Variants in PLXDC2 observed in about 807,000 individuals in gnomAD.
PLXDC2 encodes plexin domain containing 2.
Under a neutral mutation model 68.9 loss-of-function variants are expected in PLXDC2, and 40 were observed. That is an observed-to-expected ratio of 0.58 (90% CI 0.45 to 0.76). The LOEUF is 0.76. PLXDC2 is among the 30% of genes least tolerant of loss of function. The pLI is 0.00. For synonymous variants in PLXDC2, 243 were observed against 234.2 expected, an observed-to-expected ratio of 1.04 and a Z score of -0.34; for missense variants, 644 against 661.9, an observed-to-expected ratio of 0.97 and a Z score of 0.30.
At chr10:20,152,309 T>C (rs535394979) in intron 6 of PLXDC2, among the ~76,000 whole-genome samples, 18 of 152,278 alleles carry the variant, frequency 1.2e-4, no homozygotes, top group Admixed American at 1.2e-3. Flanking sequence ...ATTCAGTGTT[T>C]CTTCACCAAT....
intron 2 of PLXDC2, among the ~76,000 whole-genome samples, chr10:20,027,704 A>AC (rs1442084602): frequency 2.0e-5 from 3 of 151,758 alleles, no homozygotes; most frequent in Non-Finnish European, 4.4e-5. Context: ...AAAAAAAAAA[A>AC]ACCCCATAAA....
intron 4 of PLXDC2, among the ~76,000 whole-genome samples, chr10:20,068,705 A>G (rs560731455): frequency 6.6e-5 from 10 of 150,780 alleles, no homozygotes; most frequent in African/African-American, 2.4e-4. Context: ...ATTAGCTTTG[A>G]TCATTTTTTT....
At chr10:20,164,919 G>A (rs933380024) in intron 7 of PLXDC2, among the ~76,000 whole-genome samples, 11 of 152,120 alleles carry the variant, frequency 7.2e-5, no homozygotes, top group Non-Finnish European at 1.3e-4. Flanking sequence ...AGGCTCAAAT[G>A]ATCCTCCTAC....
At chr10:20,247,087 C>G (rs1321514507) in intron 13 of PLXDC2, among the ~76,000 whole-genome samples, 2 of 152,040 alleles carry the variant, frequency 1.3e-5, no homozygotes, top group Admixed American at 1.3e-4. Flanking sequence ...GCACTTCTGT[C>G]AAATTTCATG....
intron 1 of PLXDC2, among the ~76,000 whole-genome samples, chr10:19,832,600 G>A (rs1019637530): frequency 1.3e-5 from 2 of 152,134 alleles, no homozygotes; most frequent in Admixed American, 6.5e-5. Flanking sequence ...CTCCACCAGG[G>A]TAACTTCAGT....
At position 20,281,210 on chromosome 10, in the gene PLXDC2, T is replaced by A. The variant is rs1194849188; in HGVS notation, c.*1391T>A. ...AAAGCTCCTTAAATGGAGATATCGA[T>A]TGCCTTGGAATCACAATCCTGATTT... On this transcript the variant is annotated 3_prime_UTR_variant, in exon 14 of 14. Transcript: ENST00000377252. 4.6e-5 allele frequency: 7 copies of A among 152,104 alleles called. No individual in the cohort carries two copies. The highest frequency in any genetic ancestry group is 1.7e-4 in the African/African-American group (7 of 41,440). The allele number at this position is 152,104 out of a possible 1,614,324, so 9.4% of individuals were successfully genotyped here. A position where few individuals can be genotyped will look rare whatever the true frequency, so the allele number is the denominator to read the frequency against.
chr10:19,829,863 C>T (rs1420837817), intron 1 of PLXDC2, among the ~76,000 whole-genome samples: 1 of 152,116 alleles, frequency 6.6e-6, no homozygotes, highest in Non-Finnish European at 1.5e-5. Context: ...ACAAATTGTC[C>T]AGTCATATAC....
At chr10:19,987,710 C>T (rs941914298) in intron 1 of PLXDC2, among the ~76,000 whole-genome samples, 3 of 151,812 alleles carry the variant, frequency 2.0e-5, no homozygotes, top group South Asian at 2.1e-4. Flanking sequence ...TATAGGCGCC[C>T]GCCACCACCC....
At chr10:19,851,168 G>T (rs1837110931) in intron 1 of PLXDC2, among the ~76,000 whole-genome samples, 1 of 152,098 alleles carries the variant, frequency 6.6e-6, no homozygotes, top group Admixed American at 6.6e-5. Context: ...TTCTTTCCAA[G>T]GAAGGTCAAA....
In PLXDC2 at chr10:20,230,693, C is replaced by CAAAAAAAAAAAAAAAA. The variant is rs1191613913; in HGVS notation, c.1312+11597_1312+11612dup. On this transcript the variant is annotated intron_variant, in intron 12 of 13. Transcript: ENST00000377252. ...TGGGCTACAGAGTGAGACCTTGTCT[C>CAAAAAAAAAAAAAAAA]AAAAAAAAAAAAAAAAAAAAACAGG... Among the ~76,000 whole-genome samples, 92 of 37,778 alleles carry CAAAAAAAAAAAAAAAA rather than the reference C, an allele frequency of 2.4e-3. 17 individuals are homozygous for CAAAAAAAAAAAAAAAA. Among genetic ancestry groups the CAAAAAAAAAAAAAAAA allele is most frequent in the Admixed American group, 3.5e-3 (9 of 2,556 alleles). 24.8% of individuals were successfully genotyped at this position (37,778 alleles called of 152,430 possible).
intron 1 of PLXDC2, among the ~76,000 whole-genome samples, chr10:19,923,923 C>A (rs1173383423): frequency 6.6e-6 from 1 of 152,036 alleles, no homozygotes; most frequent in African/African-American, 2.4e-5. Flanking sequence ...AAATTAGCTT[C>A]ATTTGGAGTG....
At chr10:19,845,138 T>A (rs1836984076) in intron 1 of PLXDC2, among the ~76,000 whole-genome samples, 1 of 152,182 alleles carries the variant, frequency 6.6e-6, no homozygotes, top group African/African-American at 2.4e-5. Flanking sequence ...GTCACTTCCC[T>A]TCTCTGCTCT....
At chr10:19,823,289 A>G (rs1338346622) in intron 1 of PLXDC2, among the ~76,000 whole-genome samples, 1 of 152,154 alleles carries the variant, frequency 6.6e-6, no homozygotes, top group East Asian at 1.9e-4. Context: ...TTCACTGAAG[A>G]TGAAGACTAT....
intron 1 of PLXDC2, among the ~76,000 whole-genome samples, chr10:19,867,078 T>A: frequency 6.6e-6 from 1 of 150,896 alleles, no homozygotes; most frequent in Non-Finnish European, 1.5e-5. Context: ...TTTTTTTTTT[T>A]TTTTTTGACA....
rs1225330744 is a variant in PLXDC2 at position 19,869,475 on chromosome 10, G to A, written c.112+52284G>A. 2.9e-4 allele frequency among the ~76,000 whole-genome samples: 37 copies of A among 125,988 alleles called. 1 individual carries two copies. Among genetic ancestry groups the A allele is most frequent in the African/African-American group, 1.1e-3 (37 of 34,344 alleles). 82.7% of individuals were successfully genotyped at this position (125,988 alleles called of 152,430 possible). The stretch of plus-strand genomic sequence containing the variant: ...AGAAAGAGAGAGAGAGAAAGGGGGG[G>A]GGGGGAGAGGGTGGGAGGGAGGGAG... On this transcript the variant is annotated intron_variant, in intron 1 of 13. Coordinates refer to ENST00000377252, the MANE Select transcript of PLXDC2 (RefSeq NM_032812.9).
chr10:20,126,173 A>T (rs1172242082), intron 4 of PLXDC2, among the ~76,000 whole-genome samples: 1 of 147,058 alleles, frequency 6.8e-6, no homozygotes, highest in Non-Finnish European at 1.5e-5. Flanking sequence ...GTATCTATAC[A>T]TATATGTTAT....
chr10:19,865,397 G>A (rs1299232666), intron 1 of PLXDC2, among the ~76,000 whole-genome samples: 1 of 152,180 alleles, frequency 6.6e-6, no homozygotes, highest in African/African-American at 2.4e-5. Flanking sequence ...CATGACAATG[G>A]TAGAGTTGGG....
chr10:19,863,168 G>C (rs912993702), intron 1 of PLXDC2, among the ~76,000 whole-genome samples: 1 of 152,168 alleles, frequency 6.6e-6, no homozygotes, highest in East Asian at 1.9e-4. Flanking sequence ...GAGAAACTAA[G>C]GATGTGAATA....
chr10:20,044,856 A>G (rs1165413604), intron 2 of PLXDC2, among the ~76,000 whole-genome samples: 1 of 152,178 alleles, frequency 6.6e-6, no homozygotes, highest in Non-Finnish European at 1.5e-5. Context: ...CTTGTGCCCA[A>G]TGTCAAGGAA....
Sources: gnomAD v4.1 joint callset for allele counts (sites outside exome capture counted in the v4.1 genomes callset) on GRCh38, gnomAD v4.1.1 for gene constraint, MANE v1.5 for transcripts, NCBI Gene and HGNC (gene_info 2026-07-23, HGNC 2026-07-21) for gene names.